GPHN: variants seen among roughly 807,000 people sequenced by gnomAD.
The protein encoded by GPHN is gephyrin.
Under a neutral mutation model 95.5 loss-of-function variants are expected in GPHN, and 17 were observed. The observed-to-expected ratio is 0.18, with a 90% confidence interval of 0.12 to 0.27. The LOEUF (loss-of-function observed/expected upper bound fraction) is 0.27, where lower values mean the gene tolerates loss of function less well. Among genes scored for constraint, GPHN ranks in the 10% least tolerant of loss-of-function variants. The pLI is 1.00. For missense variants in GPHN, 660 were observed against 978.1 expected, an observed-to-expected ratio of 0.67 and a Z score of 4.34; for synonymous variants, 320 against 322.5, an observed-to-expected ratio of 0.99 and a Z score of 0.08.
chr14:67,339,387 C>T, the GPHN span, among the ~76,000 whole-genome samples: 5 of 152,178 alleles, frequency 3.3e-5, 1 homozygote, highest in South Asian at 1.0e-3. Context: ...TTTGGCTCAA[C>T]ACAACCCTGA....
chr14:67,483,122 T>C, the GPHN span, among the ~76,000 whole-genome samples: 1 of 152,142 alleles, frequency 6.6e-6, no homozygotes, highest in East Asian at 1.9e-4. Context: ...GCAATTCTCA[T>C]GCCTCAGCCT....
chr14:66,728,143 T>C (rs2071421644), intron 2 of GPHN, among the ~76,000 whole-genome samples: 1 of 152,152 alleles, frequency 6.6e-6, no homozygotes, highest in Non-Finnish European at 1.5e-5. Context: ...ATGTTGAGCC[T>C]GCGAGTGCAC....
intron 1 of GPHN, among the ~76,000 whole-genome samples, chr14:66,534,460 G>T (rs571437082): frequency 4.6e-5 from 7 of 152,232 alleles, no homozygotes; most frequent in Non-Finnish European, 5.9e-5. Flanking sequence ...TTATTGCTAT[G>T]TAGTGTTTCA....
the GPHN span, among the ~76,000 whole-genome samples, chr14:67,653,945 A>G: frequency 6.6e-6 from 1 of 152,204 alleles, no homozygotes; most frequent in Non-Finnish European, 1.5e-5. Context: ...CCCTCTTAAG[A>G]GACAGTTACA....
chr14:66,557,934 T>A (rs2060074188), intron 1 of GPHN, among the ~76,000 whole-genome samples: 1 of 152,208 alleles, frequency 6.6e-6, no homozygotes, highest in African/African-American at 2.4e-5. Context: ...TGTTTGAGAA[T>A]GTTTCTTTGC....
At chr14:67,482,031 T>C in the GPHN span, among the ~76,000 whole-genome samples, 7,173 of 152,280 alleles carry the variant, frequency 0.047, 384 homozygotes, top group East Asian at 0.24. Context: ...CAGGGTTTCA[T>C]TGAACAACAT....
intron 10 of GPHN, among the ~76,000 whole-genome samples, chr14:67,029,772 G>A (rs573965161): frequency 2.4e-4 from 37 of 152,322 alleles, no homozygotes; most frequent in African/African-American, 8.4e-4. Context: ...TAATTTGGCT[G>A]CCACCTCTGA....
At chr14:67,229,280 A>G in the GPHN span, among the ~76,000 whole-genome samples, 13 of 152,354 alleles carry the variant, frequency 8.5e-5, no homozygotes, top group African/African-American at 3.1e-4. Context: ...ATGGAAATCT[A>G]TTTAACTCAA....
At chr14:67,414,340 T>C in the GPHN span, among the ~76,000 whole-genome samples, 2 of 152,198 alleles carry the variant, frequency 1.3e-5, no homozygotes, top group African/African-American at 4.8e-5. Flanking sequence ...GCATGAGTCA[T>C]ACCCCTTCCT....
At chr14:67,431,391 CAAAAAAAAAAAAAA>C in the GPHN span, among the ~76,000 whole-genome samples, 6 of 77,516 alleles carry the variant, frequency 7.7e-5, no homozygotes, top group East Asian at 6.9e-4. Flanking sequence ...GACTCTGTCT[CAAAAAAAAAAAAAA>C]AAAAAAAAAA....
chr14:67,121,096 T>C (rs144199161), intron 16 of GPHN, among the ~76,000 whole-genome samples: 6 of 152,342 alleles, frequency 3.9e-5, no homozygotes, highest in African/African-American at 1.2e-4. Context: ...ACATCTTAAA[T>C]GTGCAGGCTT....
the GPHN span, among the ~76,000 whole-genome samples, chr14:67,683,341 A>G: frequency 2.6e-5 from 4 of 152,282 alleles, no homozygotes; most frequent in African/African-American, 9.6e-5. Flanking sequence ...TGGAAAATCA[A>G]TCCAGTATAC....
intron 5 of GPHN, among the ~76,000 whole-genome samples, chr14:66,900,712 G>A (rs11849594): frequency 6.6e-6 from 1 of 151,874 alleles, no homozygotes; most frequent in African/African-American, 2.4e-5. Flanking sequence ...TCCTGCAAAT[G>A]ATAGGATTTC....
At chr14:66,603,966 C>T (rs989692374) in intron 1 of GPHN, among the ~76,000 whole-genome samples, 12 of 152,000 alleles carry the variant, frequency 7.9e-5, no homozygotes, top group African/African-American at 2.2e-4. Context: ...TGTACATTGT[C>T]CACTATGACA....
the GPHN span, among the ~76,000 whole-genome samples, chr14:67,283,442 GTT>G: frequency 1.3e-5 from 2 of 152,118 alleles, no homozygotes; most frequent in African/African-American, 4.8e-5. Context: ...TTAAGATAAA[GTT>G]TATTTCAAGC....
the GPHN span, among the ~76,000 whole-genome samples, chr14:67,266,926 A>G: frequency 1.2e-4 from 18 of 152,052 alleles, no homozygotes; most frequent in African/African-American, 4.1e-4. Flanking sequence ...CCTGGGCAAC[A>G]CAGTGAAACC....
At chr14:66,685,673 A>G (rs1245434511) in intron 2 of GPHN, among the ~76,000 whole-genome samples, 3 of 152,022 alleles carry the variant, frequency 2.0e-5, no homozygotes, top group Non-Finnish European at 4.4e-5. Context: ...GTAGATTGCA[A>G]AAATTTTCTC....
the GPHN span, among the ~76,000 whole-genome samples, chr14:67,329,780 G>T: frequency 1.3e-5 from 2 of 151,746 alleles, no homozygotes; most frequent in African/African-American, 4.8e-5. Context: ...TACTGAAGAG[G>T]CCGAGTTCGT....
At chr14:66,852,664 C>T (rs760697064) in intron 4 of GPHN, among the ~76,000 whole-genome samples, 3 of 152,120 alleles carry the variant, frequency 2.0e-5, no homozygotes, top group Non-Finnish European at 2.9e-5. Flanking sequence ...AAAGATGTAT[C>T]GTTTTCTATC....
Sources: gnomAD v4.1 joint callset for allele counts (sites outside exome capture counted in the v4.1 genomes callset) on GRCh38, gnomAD v4.1.1 for gene constraint, MANE v1.5 for transcripts, NCBI Gene and HGNC (gene_info 2026-07-23, HGNC 2026-07-21) for gene names.